Variants in LCE3E observed in about 807,000 individuals in gnomAD.
LCE3E encodes the protein late cornified envelope protein 3E.
For synonymous variants in LCE3E, 40 were observed against 47.0 expected, an observed-to-expected ratio of 0.85 and a Z score of 0.61; for missense variants, 133 against 120.0, an observed-to-expected ratio of 1.11 and a Z score of -0.51.
At chr1:152,566,308 G>A (rs1463548260) in intron 1 of LCE3E, 79 bp from the exon 2 acceptor site, 2 of 1,453,388 alleles carry the variant, frequency 1.4e-6, no homozygotes, top group Non-Finnish European at 1.9e-6. Flanking sequence ...TGAGGCAAGA[G>A]CTGCAAGAGG....
rs535644149 is a variant in LCE3E, at chr1:152,566,062, C to T, written c.147G>A (p.Glu49=). 6.2e-7 allele frequency: 1 copy of T among 1,613,740 alleles called. No individual in the cohort carries two copies. The highest frequency in any genetic ancestry group is 2.2e-5 in the East Asian group (1 of 44,862). The change falls in exon 2 of 2, where the codon GAG becomes GAA. Residue 49 remains glutamate, a synonymous_variant. Transcript: ENST00000368789. ...TGTGGTGGTTCAGGAAGCAGCCGCCCTCGGAGCTAGGGCCACAGCCCCCAG... is the reference window on the plus strand; with the variant it reads ...TGTGGTGGTTCAGGAAGCAGCCGCCTTCGGAGCTAGGGCCACAGCCCCCAG... ...PSSGGCGPSS[E]GGCFLNHHRR...
chr1:152,566,454 C>T (rs1557780664), intron 1 of LCE3E, among the ~76,000 whole-genome samples: 2 of 151,966 alleles, frequency 1.3e-5, no homozygotes, highest in African/African-American at 4.8e-5. Context: ...GGAATGCACC[C>T]TTTTGGGAAA....
chr1:152,566,729 A>C lies in LCE3E; in HGVS notation c.-22+9T>G, dbSNP rs1477674474. 1 of 162,064 alleles carries C rather than the reference A, an allele frequency of 6.2e-6. No homozygotes were observed. Among genetic ancestry groups the C allele is most frequent in the Admixed American group, 5.9e-5 (1 of 16,974 alleles). 10.0% of individuals were successfully genotyped at this position (162,064 alleles called of 1,614,324 possible). A position where few individuals can be genotyped will look rare whatever the true frequency, so the allele number is the denominator to read the frequency against. On this transcript the variant is annotated intron_variant, in intron 1 of 1. Coordinates refer to ENST00000368789, the MANE Select transcript of LCE3E (RefSeq NM_178435.4). Reference sequence around the variant, plus strand: ...CCATATCAAGCCCTGTCCCCTGCTGAATACTTACCAGGTGCAGAGAGGCAG... The same window carrying C: ...CCATATCAAGCCCTGTCCCCTGCTGCATACTTACCAGGTGCAGAGAGGCAG...
intron 1 of LCE3E, among the ~76,000 whole-genome samples, 166 bp from the exon 2 acceptor site, chr1:152,566,395 G>C (rs1360044365): frequency 6.6e-6 from 1 of 152,020 alleles, no homozygotes; most frequent in Non-Finnish European, 1.5e-5. Context: ...ACAGATTGCT[G>C]TGAGTCTAAG....
At position 152,565,748 on chromosome 1, in the gene LCE3E, T is replaced by C; in HGVS notation, c.*182A>G. The C allele has an allele frequency of 1.2e-6, 1 of 825,088 alleles. No individual in the cohort carries two copies. Among genetic ancestry groups the C allele is most frequent in the Admixed American group, 2.8e-5 (1 of 35,206 alleles). The allele number at this position is 825,088 out of a possible 1,614,324, so 51.1% of individuals were successfully genotyped here. On this transcript the variant is annotated 3_prime_UTR_variant, in exon 2 of 2. Transcript: ENST00000368789. ...AGGGGTAGGGGGACATATGACATCC[T>C]GTACATAAAACAAGAAGTGCCTTCT...
At position 152,566,003 on chromosome 1, in the gene LCE3E, T is replaced by A; in HGVS notation, c.206A>T (p.Asn69Ile). The A allele has an allele frequency of 1.2e-5, 19 of 1,613,604 alleles. No individual in the cohort carries two copies. The highest frequency in any genetic ancestry group is 1.6e-5 in the Non-Finnish European group (19 of 1,179,990). ...RHHRCRRQRS[N>I]SCDRGSGQQG... Reference sequence around the variant, plus strand: ...CTGACCACTGCCCCTGTCACAGGAGTTGGACCTCTGGCGCCGGCATCGGTG... The same window carrying A: ...CTGACCACTGCCCCTGTCACAGGAGATGGACCTCTGGCGCCGGCATCGGTG... The change falls in exon 2 of 2, where the codon AAC becomes ATC. Residue 69 changes from asparagine to isoleucine, a missense_variant. Asn to Ile is a moderately radical substitution (Grantham distance 149). Coordinates refer to ENST00000368789, the MANE Select transcript of LCE3E (RefSeq NM_178435.4).
chr1:152,565,922 G>C lies in LCE3E; in HGVS notation c.*8C>G, dbSNP rs1370034592. The C allele has an allele frequency of 6.2e-7, 1 of 1,612,708 alleles. No individual in the cohort carries two copies. Among genetic ancestry groups the C allele is most frequent in the South Asian group, 1.1e-5 (1 of 90,992 alleles). On this transcript the variant is annotated 3_prime_UTR_variant, in exon 2 of 2. Transcript: ENST00000368789. ...CAAAGATCGCTTGTCTCAGCATCAG[G>C]ATCTGGATCAGCAGCAGCCCCCAGA...
In LCE3E at chr1:152,566,203, G is replaced by A. The variant is rs750285642; in HGVS notation, c.6C>T (p.Ser2=). The change falls in exon 2 of 2, where the codon TCC becomes TCT. Residue 2 remains serine (S), a synonymous_variant. Transcript: ENST00000368789. ...GGCACTGCTTCTGGTTCTGCTGGCA[G>A]GACATCTTGGCAGGAGTTGAGATGT... M[S]CQQNQKQCQP... 5.0e-6 allele frequency: 8 copies of A among 1,613,640 alleles called. No individual in the cohort carries two copies. Among genetic ancestry groups the A allele is most frequent in the Admixed American group, 1.7e-5 (1 of 59,644 alleles).
Position 152,565,842 on chromosome 1 carries a change from G to C in LCE3E, c.*88C>G. The C allele has an allele frequency of 6.5e-7, 1 of 1,541,932 alleles. No individual in the cohort carries two copies. The highest frequency in any genetic ancestry group is 8.8e-7 in the Non-Finnish European group (1 of 1,140,270). ...TGTGAAAGTCAGAAGAGGGTATATG[G>C]GAAGGCATGCGTCAGATGGGGCTGT... On this transcript the variant is annotated 3_prime_UTR_variant, in exon 2 of 2. Coordinates refer to ENST00000368789, the MANE Select transcript of LCE3E (RefSeq NM_178435.4).
In LCE3E at chr1:152,566,028, G is replaced by T. The variant is rs570797744; in HGVS notation, c.181C>A (p.His61Asn). ...GCFLNHHRRH[H>N]RCRRQRSNSC... ...TTGGACCTCTGGCGCCGGCATCGGTGGTGGCGCCTGTGGTGGTTCAGGAAG... is the reference window on the plus strand; with the variant it reads ...TTGGACCTCTGGCGCCGGCATCGGTTGTGGCGCCTGTGGTGGTTCAGGAAG... The change falls in exon 2 of 2, where the codon CAC becomes AAC. Residue 61 changes from histidine to asparagine, a missense_variant. Coordinates refer to ENST00000368789, the MANE Select transcript of LCE3E (RefSeq NM_178435.4). 8.7e-6 allele frequency: 14 copies of T among 1,613,784 alleles called. No individual in the cohort carries two copies. The Admixed American group carries it at 2.0e-4, about 23-fold the overall frequency.
At chr1:152,566,511 A>C (rs1659927037) in intron 1 of LCE3E, among the ~76,000 whole-genome samples, 1 of 152,048 alleles carries the variant, frequency 6.6e-6, no homozygotes, top group Non-Finnish European at 1.5e-5. Flanking sequence ...CTGCCTGAGT[A>C]GAAAGAGGAT....
In LCE3E at chr1:152,565,882, G is replaced by C. The variant is rs17659359; in HGVS notation, c.*48C>G. Reference sequence around the variant, plus strand: ...GATGGGGCTGTTCTTGGCCTCTTGGGATTCTTGTTTCCTCCAAAGATCGCT... The same window carrying C: ...GATGGGGCTGTTCTTGGCCTCTTGGCATTCTTGTTTCCTCCAAAGATCGCT... On this transcript the variant is annotated 3_prime_UTR_variant, in exon 2 of 2. Coordinates refer to ENST00000368789, the MANE Select transcript of LCE3E (RefSeq NM_178435.4). 0.24 allele frequency: 380,650 copies of C among 1,598,410 alleles called. 48,207 individuals are homozygous for C. Among genetic ancestry groups the C allele is most frequent in the Admixed American group, 0.39 (22,341 of 57,664 alleles).
intron 1 of LCE3E, among the ~76,000 whole-genome samples, 183 bp from the exon 2 acceptor site, chr1:152,566,412 C>T (rs112872358): frequency 6.6e-5 from 10 of 152,006 alleles, no homozygotes; most frequent in African/African-American, 1.9e-4. Context: ...TAAGTGGGCA[C>T]GTGTGTTTCT....
chr1:152,565,737 A>G lies in LCE3E; in HGVS notation c.*193T>C. ...TTGGCAGGTACAGGGGTAGGGGGAC[A>G]TATGACATCCTGTACATAAAACAAG... On this transcript the variant is annotated 3_prime_UTR_variant, in exon 2 of 2. Coordinates refer to ENST00000368789, the MANE Select transcript of LCE3E (RefSeq NM_178435.4). 1 of 745,046 alleles carries G rather than the reference A, an allele frequency of 1.3e-6. No individual in the cohort carries two copies. Among genetic ancestry groups the G allele is most frequent in the Non-Finnish European group, 2.2e-6 (1 of 464,754 alleles). 46.2% of individuals were successfully genotyped at this position (745,046 alleles called of 1,614,324 possible).
chr1:152,565,967 C>G lies in LCE3E; in HGVS notation c.242G>C (p.Gly81Ala). 2 of 1,613,642 alleles carry G rather than the reference C, an allele frequency of 1.2e-6. No homozygotes were observed. Among genetic ancestry groups the G allele is most frequent in the South Asian group, 2.2e-5 (2 of 91,064 alleles). Residue 81 changes from glycine to alanine, a missense_variant, in exon 2 of 2, where the codon GGC becomes GCC. By Grantham distance (60) the Gly-to-Ala change is moderately conservative. Coordinates refer to ENST00000368789, the MANE Select transcript of LCE3E (RefSeq NM_178435.4). ...CCCAGAACCGTGGCAGCAGCCAGAG[C>G]CCCCGCCTTGCTGACCACTGCCCCT... ...CDRGSGQQGG[G>A]SGCCHGSGGC...
chr1:152,566,019 G>C lies in LCE3E; in HGVS notation c.190C>G (p.Arg64Gly), dbSNP rs141660085. Residue 64 changes from arginine to glycine, a missense_variant, in exon 2 of 2, where the codon CGG becomes GGG. Coordinates refer to ENST00000368789, the MANE Select transcript of LCE3E (RefSeq NM_178435.4). ...TCACAGGAGTTGGACCTCTGGCGCC[G>C]GCATCGGTGGTGGCGCCTGTGGTGG... ...LNHHRRHHRC[R>G]RQRSNSCDRG... 1.2e-5 allele frequency: 20 copies of C among 1,613,690 alleles called. No individual in the cohort carries two copies. Among genetic ancestry groups the C allele is most frequent in the Admixed American group, 1.7e-5 (1 of 59,690 alleles).
At position 152,566,155 on chromosome 1, in the gene LCE3E, T is replaced by C. The variant is rs757343074; in HGVS notation, c.54A>G (p.Ser18=). Residue 18 remains serine (S), a synonymous_variant, in exon 2 of 2, where the codon TCA becomes TCG. Coordinates refer to ENST00000368789, the MANE Select transcript of LCE3E (RefSeq NM_178435.4). Reference sequence around the variant, plus strand: ...CTGGGTTCTTTGGGGGACACTTGGGTGAGGGGCACTTGGGTGGGGGTTGGC... The same window carrying C: ...CTGGGTTCTTTGGGGGACACTTGGGCGAGGGGCACTTGGGTGGGGGTTGGC... The part of the protein sequence containing the change: ...KQCQPPPKCP[S]PKCPPKNPVQ... 1.7e-5 allele frequency: 27 copies of C among 1,613,586 alleles called. No homozygotes were observed. Among genetic ancestry groups the C allele is most frequent in the Non-Finnish European group, 2.0e-5 (24 of 1,179,998 alleles).
rs113369363 is a variant in LCE3E at position 152,566,607 on chromosome 1, CA to C, written c.-22+130del. On this transcript the variant is annotated intron_variant, in intron 1 of 1. Coordinates refer to ENST00000368789, the MANE Select transcript of LCE3E (RefSeq NM_178435.4). Reference sequence around the variant, plus strand: ...GGGTCTCCCTCCTGCCCCCTTCCCCCATTGCTGCCCTCTCACAGTCCTGTAT... The same window carrying C: ...GGGTCTCCCTCCTGCCCCCTTCCCCCTTGCTGCCCTCTCACAGTCCTGTAT... 1,292 of 231,720 alleles carry C rather than the reference CA, an allele frequency of 5.6e-3. 18 individuals carry two copies. The highest frequency in any genetic ancestry group is 0.027 in the African/African-American group (1,198 of 43,924). 14.4% of individuals were successfully genotyped at this position (231,720 alleles called of 1,614,324 possible).
In LCE3E at chr1:152,565,892, T is replaced by A; in HGVS notation, c.*38A>T. On this transcript the variant is annotated 3_prime_UTR_variant, in exon 2 of 2. Coordinates refer to ENST00000368789, the MANE Select transcript of LCE3E (RefSeq NM_178435.4). Reference sequence around the variant, plus strand: ...TTCTTGGCCTCTTGGGATTCTTGTTTCCTCCAAAGATCGCTTGTCTCAGCA... The same window carrying A: ...TTCTTGGCCTCTTGGGATTCTTGTTACCTCCAAAGATCGCTTGTCTCAGCA... 6.2e-7 allele frequency: 1 copy of A among 1,604,354 alleles called. No homozygotes were observed. The highest frequency in any genetic ancestry group is 1.1e-5 in the South Asian group (1 of 89,992).
Sources: gnomAD v4.1 joint callset for allele counts (sites outside exome capture counted in the v4.1 genomes callset) on GRCh38, gnomAD v4.1.1 for gene constraint, MANE v1.5 for transcripts, NCBI Gene and HGNC (gene_info 2026-07-23, HGNC 2026-07-21) for gene names.